The following MTUS1 variants were observed in gnomAD, a reference collection of about 807,000 sequenced individuals.
MTUS1 encodes the protein microtubule-associated tumor suppressor 1.
Under a neutral mutation model 120.8 loss-of-function variants are expected in MTUS1, and 109 were observed. The observed-to-expected ratio is 0.90, with a 90% CI of 0.77 to 1.06. The LOEUF (loss-of-function observed/expected upper bound fraction) is 1.06. MTUS1 is among the 50% of genes least tolerant of loss of function. The pLI, the probability that MTUS1 is intolerant of heterozygous loss-of-function variation, is 0.00. For synonymous variants in MTUS1, 737 were observed against 550.5 expected, an observed-to-expected ratio of 1.34 and a Z score of -4.74; for missense variants, 2,210 against 1,486.3, an observed-to-expected ratio of 1.49 and a Z score of -8.01.
chr8:17,779,497 C>T (rs1403110407), intron 1 of MTUS1, among the ~76,000 whole-genome samples: 4 of 152,208 alleles, frequency 2.6e-5, no homozygotes, highest in African/African-American at 9.7e-5. Flanking sequence ...TTTGTTCTTA[C>T]TTCTGGCTGA....
chr8:17,662,046 C>T (rs962585400), intron 8 of MTUS1, among the ~76,000 whole-genome samples: 10 of 152,230 alleles, frequency 6.6e-5, no homozygotes, highest in Middle Eastern at 3.4e-3. Flanking sequence ...GTGACATAAA[C>T]GTGTGTGTGT....
intron 8 of MTUS1, among the ~76,000 whole-genome samples, chr8:17,671,581 G>A (rs567352397): frequency 6.6e-6 from 1 of 152,370 alleles, no homozygotes; most frequent in South Asian, 2.1e-4. Context: ...CTGCCACAGT[G>A]AGACTGAGGG....
intron 2 of MTUS1, among the ~76,000 whole-genome samples, chr8:17,748,864 G>T (rs539076958): frequency 6.6e-6 from 1 of 152,284 alleles, no homozygotes; most frequent in East Asian, 1.9e-4. Context: ...ATCACCATAT[G>T]TATAATACAT....
intron 10 of MTUS1, 81 bp from the exon 11 acceptor site, chr8:17,653,579 G>T: frequency 1.0e-6 from 1 of 995,792 alleles, no homozygotes; most frequent in Non-Finnish European, 1.5e-6. Flanking sequence ...GCATATAGAT[G>T]TAGGGGTTGA....
At chr8:17,801,237 C>G (rs984775840), upstream of MTUS1, 2 of 151,164 alleles carry the variant, frequency 1.3e-5, no homozygotes, top group Non-Finnish European at 3.0e-5. Context: ...CAGGCGGGAC[C>G]CGGAGCCCCG....
intron 6 of MTUS1, among the ~76,000 whole-genome samples, chr8:17,687,899 C>A (rs1816159705): frequency 6.6e-6 from 1 of 152,146 alleles, no homozygotes; most frequent in African/African-American, 2.4e-5. Flanking sequence ...AGGAAGATGC[C>A]CATTTCTCAG....
intron 3 of MTUS1, among the ~76,000 whole-genome samples, chr8:17,730,044 GA>G (rs1245427818): frequency 6.6e-6 from 1 of 150,628 alleles, no homozygotes; most frequent in African/African-American, 2.4e-5. Context: ...AGGACACGGA[GA>G]AACTGGAACC....
At chr8:17,735,461 C>A (rs2046861542) in intron 3 of MTUS1, among the ~76,000 whole-genome samples, 1 of 152,214 alleles carries the variant, frequency 6.6e-6, no homozygotes, top group Non-Finnish European at 1.5e-5. Flanking sequence ...AACTAATCAG[C>A]CTCTACCTCC....
intron 4 of MTUS1, among the ~76,000 whole-genome samples, chr8:17,719,998 G>C (rs923008151): frequency 6.8e-6 from 1 of 147,610 alleles, no homozygotes; most frequent in African/African-American, 2.5e-5. Context: ...GAGTATGGAG[G>C]CTGGAGGCTA....
intron 8 of MTUS1, among the ~76,000 whole-genome samples, chr8:17,656,713 C>T (rs1044963120): frequency 1.3e-5 from 2 of 151,920 alleles, no homozygotes; most frequent in African/African-American, 4.8e-5. Context: ...CAAGCGACTC[C>T]TCCCTCTCCC....
At chr8:17,721,412 A>G (rs2045832756) in intron 4 of MTUS1, among the ~76,000 whole-genome samples, 1 of 152,188 alleles carries the variant, frequency 6.6e-6, no homozygotes, top group African/African-American at 2.4e-5. Flanking sequence ...CACAAAAACT[A>G]GTTATTTCAT....
At chr8:17,693,583 GC>G (rs1347358012) in intron 6 of MTUS1, among the ~76,000 whole-genome samples, 4 of 152,180 alleles carry the variant, frequency 2.6e-5, no homozygotes. Context: ...CCTTCCTCAA[GC>G]CCCTCAAGGT....
At chr8:17,724,618 T>C (rs1465200213) in intron 3 of MTUS1, among the ~76,000 whole-genome samples, 1 of 152,148 alleles carries the variant, frequency 6.6e-6, no homozygotes, top group Non-Finnish European at 1.5e-5. Flanking sequence ...GTGAAATAAA[T>C]ATACAGGCTG....
Position 17,738,575 on chromosome 8 carries a change from T to A in MTUS1, c.2287+5029A>T, listed in dbSNP as rs534167281. On this transcript the variant is annotated intron_variant, in intron 3 of 14. Coordinates refer to ENST00000693296, the MANE Select transcript of MTUS1 (RefSeq NM_001363059.2). ...TTTATTATTACTGTATTTTTTATTG[T>A]TTTAAGTTCCGGGGTACATGTGCAG... Among the ~76,000 whole-genome samples the A allele has an allele frequency of 1.1e-3, 174 of 152,290 alleles. 2 individuals are homozygous for A. Among genetic ancestry groups the A allele is most frequent in the South Asian group, 4.4e-3 (21 of 4,820 alleles).
intron 1 of MTUS1, among the ~76,000 whole-genome samples, chr8:17,779,338 T>C (rs896304659): frequency 3.3e-5 from 5 of 152,174 alleles, no homozygotes; most frequent in African/African-American, 1.2e-4. Context: ...TAATGATGTG[T>C]TTTGGATTTC....
At chr8:17,784,252 T>A (rs1024865710) in intron 1 of MTUS1, among the ~76,000 whole-genome samples, 10 of 152,078 alleles carry the variant, frequency 6.6e-5, no homozygotes, top group African/African-American at 2.4e-4. Flanking sequence ...CAGTGTAAGA[T>A]GTTTTAGTTG....
intron 3 of MTUS1, among the ~76,000 whole-genome samples, chr8:17,727,388 A>G (rs1046457655): frequency 6.6e-6 from 1 of 152,224 alleles, no homozygotes; most frequent in African/African-American, 2.4e-5. Context: ...GCCATGCCAC[A>G]GAATAGAAAC....
intron 1 of MTUS1, among the ~76,000 whole-genome samples, chr8:17,789,407 G>A (rs1043512140): frequency 3.3e-5 from 5 of 152,162 alleles, no homozygotes; most frequent in Non-Finnish European, 5.9e-5. Context: ...TGAGGGACGT[G>A]GGGGTAGATC....
intron 3 of MTUS1, among the ~76,000 whole-genome samples, chr8:17,735,474 C>T (rs1299171554): frequency 3.3e-5 from 5 of 152,190 alleles, no homozygotes; most frequent in Admixed American, 2.0e-4. Flanking sequence ...CTACCTCCCT[C>T]GAGGCAGAGG....
Sources: allele counts gnomAD v4.1 joint callset (sites outside exome capture counted in the v4.1 genomes callset), GRCh38; gene constraint gnomAD v4.1.1; transcripts MANE v1.5; gene names NCBI Gene and HGNC (gene_info 2026-07-23, HGNC 2026-07-21).